Variants in TNS1 observed in about 807,000 individuals in gnomAD.
The protein encoded by TNS1 is tensin 1, also known as tensin-1.
A neutral mutation model predicts 168.6 loss-of-function variants in TNS1; 62 were observed. That is an observed-to-expected ratio of 0.37 (90% CI 0.30 to 0.45). TNS1 has a LOEUF of 0.45. Ranked by LOEUF, TNS1 falls within the 20% of genes least tolerant of loss-of-function variation. The pLI, the probability that TNS1 is intolerant of heterozygous loss-of-function variation, is 1.00. For synonymous variants in TNS1, 934 were observed against 933.2 expected, an observed-to-expected ratio of 1.00 and a Z score of -0.02; for missense variants, 2,240 against 2,339.4, an observed-to-expected ratio of 0.96 and a Z score of 0.88.
intron 20 of TNS1, among the ~76,000 whole-genome samples, 187 bp from the exon 21 acceptor site, chr2:217,835,353 A>G (rs1274210927): frequency 6.6e-6 from 1 of 152,170 alleles, no homozygotes; most frequent in Admixed American, 6.5e-5. Flanking sequence ...GATATCCACA[A>G]GCCACTTCTA....
At position 217,838,943 on chromosome 2, in the gene TNS1, C is replaced by G. The variant is rs1420060628; in HGVS notation, c.3008-2732G>C. Among the ~76,000 whole-genome samples the G allele has an allele frequency of 2.0e-5, 3 of 151,784 alleles. 1 individual carries two copies. Among genetic ancestry groups the G allele is most frequent in the African/African-American group, 7.3e-5 (3 of 41,266 alleles). ...CCACCTCCCTCCCTCCCGCCACCAC[C>G]CTCCACCCCAGGACTTTCTCAGTCT... On this transcript the variant is annotated intron_variant, in intron 19 of 32. Transcript: ENST00000682258.
At chr2:217,939,302 A>G (rs1442003350) in intron 3 of TNS1, among the ~76,000 whole-genome samples, 2 of 152,170 alleles carry the variant, frequency 1.3e-5, no homozygotes, top group African/African-American at 2.4e-5. Context: ...GCCTCAAGAC[A>G]GACCTCTCAG....
chr2:217,856,688 T>TA (rs552332388), intron 18 of TNS1, among the ~76,000 whole-genome samples: 12 of 151,732 alleles, frequency 7.9e-5, no homozygotes, highest in Admixed American at 6.6e-4. Context: ...GATTTTTTGG[T>TA]AAAAAAAATT....
intron 4 of TNS1, among the ~76,000 whole-genome samples, chr2:217,912,421 C>T (rs2125821136): frequency 6.7e-6 from 1 of 148,524 alleles, no homozygotes; most frequent in African/African-American, 2.5e-5. Context: ...ACTCTTGCCC[C>T]CTGGGAGGCC....
intron 8 of TNS1, 139 bp downstream of exon 8, chr2:217,897,659 T>C: frequency 1.1e-6 from 1 of 935,308 alleles, no homozygotes; most frequent in Non-Finnish European, 1.6e-6. Context: ...GAGAGCTGCC[T>C]GAGGGGAAAG....
intron 3 of TNS1, among the ~76,000 whole-genome samples, chr2:217,945,636 T>A (rs1478861256): frequency 6.6e-6 from 1 of 152,058 alleles, no homozygotes; most frequent in African/African-American, 2.4e-5. Context: ...TCTGTGAGAG[T>A]GTGGATGCTG....
Position 217,804,547 on chromosome 2 carries a change from A to G in TNS1, c.5432T>C (p.Leu1811Pro). 1 of 1,614,140 alleles carries G rather than the reference A, an allele frequency of 6.2e-7. No homozygotes were observed. The highest frequency in any genetic ancestry group is 1.1e-5 in the South Asian group (1 of 91,080). ...CTGGTTGGGGTCAAGCTCAGCAAAG[A>G]GGTGGCAGGCGTTGTCCGTGGTGCT... ...QGSTTDNACH[L>P]FAELDPNQPA... The change falls in exon 33 of 33, where the codon CTC becomes CCC. Residue 1811 changes from leucine (L) to proline (P), a missense_variant. Transcript: ENST00000682258.
rs1559160912 is a variant in TNS1 at position 217,818,254 on chromosome 2, C to T, written c.4078G>A (p.Val1360Ile). 10 of 1,613,754 alleles carry T rather than the reference C, an allele frequency of 6.2e-6. No individual in the cohort carries two copies. Among genetic ancestry groups the T allele is most frequent in the Non-Finnish European group, 8.5e-6 (10 of 1,179,848 alleles). The change falls in exon 24 of 33, where the codon GTT becomes ATT. Residue 1360 changes from valine to isoleucine, a missense_variant. Around this residue, in one of 2 missense-constraint regions of TNS1, gnomAD observed 2,131 missense variants for 2,171.2 expected, o/e 0.98. Coordinates refer to ENST00000682258, the MANE Select transcript of TNS1 (RefSeq NM_001387777.1). Reference protein sequence around the residue: ...LCRHPAGVYQVSGLHNKVATT... With the variant: ...LCRHPAGVYQISGLHNKVATT... Reference sequence around the variant, plus strand: ...GCCACTTTGTTGTGGAGGCCAGAAACCTGGTAGACCCCTGCTGGGTGCCGA... The same window carrying T: ...GCCACTTTGTTGTGGAGGCCAGAAATCTGGTAGACCCCTGCTGGGTGCCGA...
intron 18 of TNS1, among the ~76,000 whole-genome samples, chr2:217,857,709 G>A (rs1277919854): frequency 6.6e-6 from 1 of 152,160 alleles, no homozygotes; most frequent in African/African-American, 2.4e-5. Context: ...CCCTGCCCTG[G>A]ATGGCCCACG....
intron 1 of TNS1, among the ~76,000 whole-genome samples, chr2:218,016,930 T>G (rs565968505): frequency 5.9e-5 from 9 of 152,190 alleles, no homozygotes; most frequent in Non-Finnish European, 1.0e-4. Context: ...GCCAGCATCC[T>G]GGAGAGGGGA....
chr2:217,881,866 C>T (rs191641350), intron 17 of TNS1: 1 of 153,022 alleles, frequency 6.5e-6, no homozygotes, highest in African/African-American at 2.4e-5. Context: ...CTGCCCATAA[C>T]CTAACTTCAT....
rs1947031480 is a variant in TNS1, at chr2:217,848,631, T to A, written c.1886A>T (p.Glu629Val). Residue 629 changes from glutamate to valine, a missense_variant, in exon 19 of 33, where the codon GAA becomes GTA. Glu to Val is a moderately radical substitution (Grantham distance 121). This residue lies in a region of TNS1 where 2,131 missense variants were observed against 2,171.2 expected (regional missense o/e 0.98). Transcript: ENST00000682258. ...ACTGTGACCATCCTGGTTTGGCAAT[T>A]CATCGTCCAGGATGTCTGTCTCCCG... ...SERETDILDD[E>V]LPNQDGHSAG... 1 of 1,613,998 alleles carries A rather than the reference T, an allele frequency of 6.2e-7. No individual in the cohort carries two copies. The highest frequency in any genetic ancestry group is 1.3e-5 in the African/African-American group (1 of 74,904).
intron 3 of TNS1, among the ~76,000 whole-genome samples, chr2:217,928,408 GC>G (rs1028467077): frequency 6.6e-6 from 1 of 152,192 alleles, no homozygotes; most frequent in Non-Finnish European, 1.5e-5. Flanking sequence ...GCCTCTCCAG[GC>G]TCCCTGGCCT....
intron 6 of TNS1, chr2:217,903,815 A>G: frequency 1.8e-6 from 1 of 545,498 alleles, no homozygotes; most frequent in Non-Finnish European, 3.2e-6. Context: ...GGGTGGCTCA[A>G]GGTCTATGAC....
chr2:217,907,338 G>A, intron 4 of TNS1, 87 bp from the exon 5 acceptor site: 2 of 690,868 alleles, frequency 2.9e-6, no homozygotes, highest in Non-Finnish European at 2.7e-6. Flanking sequence ...GCCCTGATGG[G>A]CAGAATGCCC....
intron 30 of TNS1, among the ~76,000 whole-genome samples, chr2:217,809,368 GATGGATGC>G (rs1559140330): frequency 2.5e-4 from 30 of 121,892 alleles, no homozygotes; most frequent in South Asian, 5.6e-4. Flanking sequence ...TGGATGGATG[GATGGATGC>G]ATGGATGGAT....
At chr2:217,925,970 A>AC (rs1251390443) in intron 3 of TNS1, among the ~76,000 whole-genome samples, 2 of 152,170 alleles carry the variant, frequency 1.3e-5, no homozygotes, top group African/African-American at 4.8e-5. Context: ...TAAAGTCCTA[A>AC]CCCTCAGTAG....
intron 22 of TNS1, 146 bp from the exon 23 acceptor site, chr2:217,822,084 C>A: frequency 1.2e-6 from 1 of 843,178 alleles, no homozygotes; most frequent in South Asian, 2.0e-5. Context: ...AGGGCTCCTG[C>A]CTGCCCAGAC....
At chr2:217,830,098 C>G (rs561781311) in intron 22 of TNS1, 2 of 658,348 alleles carry the variant, frequency 3.0e-6, no homozygotes, top group Admixed American at 1.3e-4. Flanking sequence ...AGGGGAAGGC[C>G]GAGGCCCACC....
Sources: allele counts gnomAD v4.1 joint callset (sites outside exome capture counted in the v4.1 genomes callset), GRCh38; gene constraint gnomAD v4.1.1; regional missense constraint gnomAD v4.1.1; transcripts MANE v1.5; gene names NCBI Gene and HGNC (gene_info 2026-07-23, HGNC 2026-07-21).